ADAMTS3: variants seen among roughly 807,000 people sequenced by gnomAD.
The protein encoded by ADAMTS3 is A disintegrin and metalloproteinase with thrombospondin motifs 3.
ADAMTS3 carries 73 observed loss-of-function variants against 129.0 expected under a neutral mutation model. That is an observed-to-expected ratio of 0.57 (90% CI 0.47 to 0.69). The LOEUF is 0.69. Ranked by LOEUF, ADAMTS3 falls within the 30% of genes least tolerant of loss-of-function variation. The probability of loss-of-function intolerance (pLI) is 0.00; values close to 1 mark genes in which losing one functional copy is unlikely to be tolerated. For missense variants in ADAMTS3, 1,457 were observed against 1,514.5 expected (o/e 0.96, Z 0.63); for synonymous variants, 477 against 510.8 (o/e 0.93, Z 0.89).
intron 3 of ADAMTS3, among the ~76,000 whole-genome samples, chr4:72,483,958 C>T (rs1242595916): frequency 2.0e-5 from 3 of 151,936 alleles, no homozygotes; most frequent in African/African-American, 4.8e-5. Context: ...GCGGAACTTG[C>T]GGTGAGCCAA....
At chr4:72,345,566 G>A (rs888381711) in intron 4 of ADAMTS3, among the ~76,000 whole-genome samples, 4 of 152,078 alleles carry the variant, frequency 2.6e-5, no homozygotes, top group African/African-American at 9.7e-5. Context: ...CATAATGATA[G>A]TTCAAAGAAC....
chr4:72,495,074 G>C (rs573457716), intron 3 of ADAMTS3, among the ~76,000 whole-genome samples: 5 of 152,302 alleles, frequency 3.3e-5, no homozygotes. Flanking sequence ...GCAATGTCCG[G>C]GTCTGGGACA....
At chr4:72,563,481 T>C (rs193295692) in intron 2 of ADAMTS3, among the ~76,000 whole-genome samples, 187 of 152,258 alleles carry the variant, frequency 1.2e-3, no homozygotes, top group African/African-American at 4.4e-3. Flanking sequence ...ATAGGGCAAA[T>C]GATCCCAAGT....
intron 3 of ADAMTS3, among the ~76,000 whole-genome samples, chr4:72,456,942 G>T (rs1290341714): frequency 6.6e-6 from 1 of 151,658 alleles, no homozygotes; most frequent in Non-Finnish European, 1.5e-5. Context: ...ATTCAAAGTG[G>T]CATTTATTGG....
intron 3 of ADAMTS3, among the ~76,000 whole-genome samples, chr4:72,481,508 C>T (rs1386970010): frequency 6.6e-6 from 1 of 152,052 alleles, no homozygotes; most frequent in Admixed American, 6.6e-5. Context: ...AAAAGAATAG[C>T]CTTGGACCTA....
intron 4 of ADAMTS3, among the ~76,000 whole-genome samples, chr4:72,380,528 A>G (rs1400054568): frequency 6.6e-6 from 1 of 152,212 alleles, no homozygotes; most frequent in Non-Finnish European, 1.5e-5. Context: ...TCAAACAAGC[A>G]TAGCCTATTT....
chr4:72,446,175 T>C (rs1718248074), intron 3 of ADAMTS3, among the ~76,000 whole-genome samples: 1 of 151,688 alleles, frequency 6.6e-6, no homozygotes, highest in Non-Finnish European at 1.5e-5. Context: ...AAGCTAACTG[T>C]AGCAGTTCTA....
intron 2 of ADAMTS3, among the ~76,000 whole-genome samples, chr4:72,562,633 C>G (rs924749943): frequency 2.0e-5 from 3 of 151,912 alleles, no homozygotes; most frequent in African/African-American, 7.3e-5. Context: ...TAAGAACATG[C>G]TAAATTATAA....
At chr4:72,307,024 T>G (rs545124711) in intron 15 of ADAMTS3, among the ~76,000 whole-genome samples, 8 of 152,098 alleles carry the variant, frequency 5.3e-5, no homozygotes, top group Non-Finnish European at 1.0e-4. Context: ...ATAAAATGAT[T>G]ATGTAACCTA....
At chr4:72,455,674 T>C (rs1205160801) in intron 3 of ADAMTS3, among the ~76,000 whole-genome samples, 3 of 148,434 alleles carry the variant, frequency 2.0e-5, no homozygotes, top group Non-Finnish European at 4.5e-5. Context: ...TTTAAAAAGA[T>C]TACCTTTCTT....
intron 3 of ADAMTS3, among the ~76,000 whole-genome samples, chr4:72,448,482 A>T (rs1256844522): frequency 6.6e-6 from 1 of 151,786 alleles, no homozygotes; most frequent in Non-Finnish European, 1.5e-5. Flanking sequence ...AAGATTACTT[A>T]AGATTAGTCA....
chr4:72,398,365 T>C (rs1721780713), intron 4 of ADAMTS3, among the ~76,000 whole-genome samples: 1 of 152,034 alleles, frequency 6.6e-6, no homozygotes, highest in African/African-American at 2.4e-5. Context: ...AAGACCAGCC[T>C]GGCCAACATG....
chr4:72,566,848 A>G (rs764599350), intron 2 of ADAMTS3, among the ~76,000 whole-genome samples: 2 of 152,216 alleles, frequency 1.3e-5, no homozygotes, highest in African/African-American at 2.4e-5. Flanking sequence ...ATATTAGCAA[A>G]AGGCCTAACA....
chr4:72,319,797 C>T (rs1410044015), intron 8 of ADAMTS3, 61 bp downstream of exon 8: 1 of 1,346,998 alleles, frequency 7.4e-7, no homozygotes, highest in Non-Finnish European at 1.1e-6. Flanking sequence ...GGAAACAATA[C>T]TGGGAGAAGC....
intron 4 of ADAMTS3, among the ~76,000 whole-genome samples, chr4:72,342,293 C>A (rs372007138): frequency 4.0e-5 from 6 of 151,404 alleles, no homozygotes; most frequent in East Asian, 1.9e-4. Flanking sequence ...TTTTAAGACA[C>A]AGGCATAATA....
intron 3 of ADAMTS3, among the ~76,000 whole-genome samples, chr4:72,464,634 C>T (rs1029249067): frequency 6.6e-6 from 1 of 151,956 alleles, no homozygotes; most frequent in Non-Finnish European, 1.5e-5. Context: ...TGGCACTTAC[C>T]ATCCTAGAGA....
chr4:72,560,783 T>C (rs1229006633), intron 2 of ADAMTS3, among the ~76,000 whole-genome samples: 5 of 152,148 alleles, frequency 3.3e-5, no homozygotes, highest in East Asian at 3.9e-4. Flanking sequence ...CAAACCACCA[T>C]GACACACGTT....
At chr4:72,394,302 T>G (rs1721672420) in intron 4 of ADAMTS3, among the ~76,000 whole-genome samples, 1 of 151,456 alleles carries the variant, frequency 6.6e-6, no homozygotes, top group African/African-American at 2.4e-5. Flanking sequence ...GCTTTGCATC[T>G]GTTTAAATTT....
intron 3 of ADAMTS3, among the ~76,000 whole-genome samples, chr4:72,464,721 T>C (rs557687788): frequency 1.3e-5 from 2 of 152,142 alleles, no homozygotes; most frequent in African/African-American, 4.8e-5. Context: ...TTTGCAAGAT[T>C]TGGATTCCTA....
Sources: allele counts gnomAD v4.1 joint callset (sites outside exome capture counted in the v4.1 genomes callset), GRCh38; gene constraint gnomAD v4.1.1; transcripts MANE v1.5; gene names NCBI Gene and HGNC (gene_info 2026-07-23, HGNC 2026-07-21).